Variants in TMEM161B observed in about 807,000 individuals in gnomAD.
TMEM161B encodes transmembrane protein 161B.
A neutral mutation model predicts 61.8 loss-of-function variants in TMEM161B; 34 were observed. The observed-to-expected ratio is 0.55, with a 90% CI of 0.42 to 0.73. TMEM161B has a LOEUF of 0.73. Among genes scored for constraint, TMEM161B ranks in the 30% least tolerant of loss-of-function variants. TMEM161B has a pLI of 0.00. For synonymous variants in TMEM161B, 167 were observed against 192.8 expected (o/e 0.87, Z 1.11); for missense variants, 456 against 558.5 (o/e 0.82, Z 1.85).
chr5:88,264,445 G>A (rs530204910), intron 1 of TMEM161B, among the ~76,000 whole-genome samples: 24 of 152,278 alleles, frequency 1.6e-4, no homozygotes, highest in East Asian at 3.9e-4. Flanking sequence ...AGATGCTGGC[G>A]AGGCTGTGGA....
intron 9 of TMEM161B, chr5:88,200,073 T>C (rs545455680): frequency 1.1e-3 from 153 of 145,568 alleles, no homozygotes; most frequent in African/African-American, 3.5e-3. Context: ...TGGATGCATA[T>C]AAAGAACAAA....
chr5:88,212,606 T>C (rs888794794), intron 5 of TMEM161B, among the ~76,000 whole-genome samples: 3 of 152,158 alleles, frequency 2.0e-5, no homozygotes, highest in African/African-American at 7.2e-5. Flanking sequence ...GGTGAGCAAA[T>C]TGCCTGAGCT....
At chr5:88,238,238 C>T (rs529883635) in intron 2 of TMEM161B, among the ~76,000 whole-genome samples, 1 of 151,040 alleles carries the variant, frequency 6.6e-6, no homozygotes, top group East Asian at 2.0e-4. Context: ...ATATGGAGGG[C>T]GAACTGCACT....
chr5:88,196,163 A>G lies in TMEM161B; in HGVS notation c.*48T>C. On this transcript the variant is annotated 3_prime_UTR_variant, in exon 12 of 12. Transcript: ENST00000296595. Reference sequence around the variant, plus strand: ...TCATCAGCCCTTTAAGGGCACAGATATTTTAATTTAAAGGGTGATTTGGAT... The same window carrying G: ...TCATCAGCCCTTTAAGGGCACAGATGTTTTAATTTAAAGGGTGATTTGGAT... The G allele has an allele frequency of 6.5e-7, 1 of 1,545,060 alleles. No homozygotes were observed. Among genetic ancestry groups the G allele is most frequent in the Non-Finnish European group, 8.7e-7 (1 of 1,152,158 alleles).
chr5:88,188,109 TA>T (rs1167188552), downstream of TMEM161B, among the ~76,000 whole-genome samples: 1 of 152,096 alleles, frequency 6.6e-6, no homozygotes, highest in Non-Finnish European at 1.5e-5. Flanking sequence ...TCAGTATTTT[TA>T]CTTTTTTTTT....
chr5:88,259,427 G>A (rs1449719752), intron 1 of TMEM161B: 1 of 152,184 alleles, frequency 6.6e-6, no homozygotes, highest in Non-Finnish European at 1.5e-5. Context: ...CTCAGGAAAA[G>A]AACTGGGATA....
At chr5:88,196,522 A>C in intron 11 of TMEM161B, 34 bp from the exon 12 acceptor site, 1 of 1,521,220 alleles carries the variant, frequency 6.6e-7, no homozygotes, top group Non-Finnish European at 8.8e-7. Context: ...CAATTTGAAG[A>C]GTAACTAATT....
intron 2 of TMEM161B, among the ~76,000 whole-genome samples, chr5:88,233,425 T>C (rs1166821392): frequency 6.6e-6 from 1 of 151,944 alleles, no homozygotes; most frequent in Non-Finnish European, 1.5e-5. Flanking sequence ...ACATAGGACA[T>C]TACAGTAACT....
At chr5:88,191,622 A>G (rs1748862670), downstream of TMEM161B, among the ~76,000 whole-genome samples, 1 of 152,172 alleles carries the variant, frequency 6.6e-6, no homozygotes, top group Non-Finnish European at 1.5e-5. Context: ...ACATAGCTGT[A>G]TGTTTTTCTC....
chr5:88,234,655 T>G (rs1751554687), intron 2 of TMEM161B, among the ~76,000 whole-genome samples: 1 of 152,214 alleles, frequency 6.6e-6, no homozygotes, highest in African/African-American at 2.4e-5. Flanking sequence ...AATATGGGCT[T>G]GGAAGACAGA....
chr5:88,250,187 G>C (rs1049955783), intron 1 of TMEM161B, among the ~76,000 whole-genome samples: 1 of 151,940 alleles, frequency 6.6e-6, no homozygotes, highest in African/African-American at 2.4e-5. Flanking sequence ...GAGAGAAAGA[G>C]AGAGAAAGAG....
In TMEM161B at chr5:88,265,839, T is replaced by G. The variant is rs558007992; in HGVS notation, c.3+2882A>C. Among the ~76,000 whole-genome samples the G allele has an allele frequency of 2.6e-3, 401 of 152,318 alleles. 2 individuals carry two copies. The Middle Eastern group carries it at 0.027, about 10-fold the overall frequency. On this transcript the variant is annotated intron_variant, in intron 1 of 11. Transcript: ENST00000296595. ...TCCCACACCTGCCCACAAACCATTG[T>G]TCAATTACAGCAGTAAGTTACTACA...
intron 5 of TMEM161B, among the ~76,000 whole-genome samples, chr5:88,214,360 C>G (rs1471272760): frequency 6.6e-6 from 1 of 151,818 alleles, no homozygotes; most frequent in African/African-American, 2.4e-5. Flanking sequence ...CTTTATCACT[C>G]TTTGTAGAAT....
intron 4 of TMEM161B, among the ~76,000 whole-genome samples, chr5:88,223,759 G>A (rs1225929686): frequency 1.3e-5 from 2 of 152,050 alleles, no homozygotes; most frequent in Non-Finnish European, 2.9e-5. Context: ...CGTGGTGGCA[G>A]GCGCCTGTAG....
At chr5:88,259,290 T>C (rs1755388673) in intron 1 of TMEM161B, 1 of 152,156 alleles carries the variant, frequency 6.6e-6, no homozygotes, top group African/African-American at 2.4e-5. Context: ...TAAAATCCCT[T>C]AAAGGAACTA....
At chr5:88,238,820 C>G (rs1752276865) in intron 2 of TMEM161B, among the ~76,000 whole-genome samples, 1 of 151,796 alleles carries the variant, frequency 6.6e-6, no homozygotes, top group African/African-American at 2.4e-5. Flanking sequence ...TAAATGACAA[C>G]ATGACCTCAA....
intron 9 of TMEM161B, chr5:88,199,950 C>A (rs910614618): frequency 2.0e-5 from 3 of 151,962 alleles, no homozygotes; most frequent in Admixed American, 2.0e-4. Context: ...AGTCTTATAT[C>A]TAGTACCTAT....
chr5:88,215,134 G>C (rs1012182860), intron 5 of TMEM161B, among the ~76,000 whole-genome samples: 5 of 152,040 alleles, frequency 3.3e-5, no homozygotes, highest in African/African-American at 1.2e-4. Context: ...TCTAATTTGG[G>C]GACCATTTTA....
At chr5:88,220,798 GGATT>G (rs1159261021) in intron 4 of TMEM161B, 79 bp from the exon 5 acceptor site, 10 of 1,417,956 alleles carry the variant, frequency 7.1e-6, no homozygotes, top group African/African-American at 1.5e-5. Flanking sequence ...TAACTTATGA[GGATT>G]TATTTATAAT....
Sources: allele counts gnomAD v4.1 joint callset (sites outside exome capture counted in the v4.1 genomes callset), GRCh38; gene constraint gnomAD v4.1.1; transcripts MANE v1.5; gene names NCBI Gene and HGNC (gene_info 2026-07-23, HGNC 2026-07-21).